The following ADGRG7 variants were observed in gnomAD, a reference collection of about 807,000 sequenced individuals.
ADGRG7 encodes adhesion G protein-coupled receptor G7, also known as G-protein coupled receptor 128.
ADGRG7 carries 82 observed loss-of-function variants against 88.6 expected under a neutral mutation model. That is an observed-to-expected ratio of 0.93 (90% CI 0.77 to 1.11). The LOEUF (loss-of-function observed/expected upper bound fraction) is 1.11, where lower values mean the gene tolerates loss of function less well. Ranked by LOEUF, ADGRG7 falls within the 50% of genes most tolerant of loss-of-function variation. ADGRG7 has a pLI of 0.00. For missense variants in ADGRG7, 945 were observed against 953.4 expected, an observed-to-expected ratio of 0.99 and a Z score of 0.12; for synonymous variants, 381 against 345.2, an observed-to-expected ratio of 1.10 and a Z score of -1.15.
intron 14 of ADGRG7, 63 bp downstream of exon 14, chr3:100,659,906 A>C (rs16842534): frequency 1.4e-6 from 2 of 1,466,922 alleles, no homozygotes; most frequent in Non-Finnish European, 1.9e-6. Context: ...ACGCAGCACC[A>C]TAACACATCC....
At chr3:100,610,408 A>G (rs546873511) in intron 1 of ADGRG7, among the ~76,000 whole-genome samples, 1 of 152,358 alleles carries the variant, frequency 6.6e-6, no homozygotes, top group East Asian at 1.9e-4. Context: ...TCATTTTAAG[A>G]GAGAAGTTAA....
In ADGRG7 at chr3:100,646,647, G is replaced by A. The variant is rs143826267; in HGVS notation, c.1189G>A (p.Gly397Ser). The A allele has an allele frequency of 2.0e-3, 3,204 of 1,613,992 alleles. 4 individuals carry two copies. Among genetic ancestry groups the A allele is most frequent in the Non-Finnish European group, 2.5e-3 (2,947 of 1,179,878 alleles). ...GTCAGCGAAGGACTGGGACACATATGGCTGTCAAAAAGACAAGGGCACTGA... is the reference window on the plus strand; with the variant it reads ...GTCAGCGAAGGACTGGGACACATATAGCTGTCAAAAAGACAAGGGCACTGA... ...NLSAKDWDTY[G>S]CQKDKGTDGF... The change falls in exon 10 of 16, where the codon GGC (glycine) becomes AGC (serine). Residue 397 changes from glycine (G) to serine (S), a missense_variant. Coordinates refer to ENST00000273352, the MANE Select transcript of ADGRG7 (RefSeq NM_032787.3).
intron 13 of ADGRG7, among the ~76,000 whole-genome samples, chr3:100,658,266 C>T (rs1295478425): frequency 6.6e-6 from 1 of 152,198 alleles, no homozygotes; most frequent in Non-Finnish European, 1.5e-5. Context: ...CATCTCCTCT[C>T]CTGGTCCAAA....
chr3:100,646,683 C>T lies in ADGRG7; in HGVS notation c.1225C>T (p.Arg409Cys), dbSNP rs140959989. Residue 409 changes from arginine (R) to cysteine (C), a missense_variant, in exon 10 of 16, where the codon CGC becomes TGC. By Grantham distance (180) the Arg-to-Cys change is radical (BLOSUM62 -3). Coordinates refer to ENST00000273352, the MANE Select transcript of ADGRG7 (RefSeq NM_032787.3). ...AGACAAGGGCACTGATGGATTCCTG[C>T]GCTGCCGCTGCAACCATACTACTAA... ...QKDKGTDGFLRCRCNHTTNFA... is the reference protein window; with the variant it reads ...QKDKGTDGFLCCRCNHTTNFA... The T allele has an allele frequency of 2.2e-5, 35 of 1,613,992 alleles. 1 individual carries two copies. Among genetic ancestry groups the T allele is most frequent in the East Asian group, 4.5e-5 (2 of 44,890 alleles).
chr3:100,643,785 T>A (rs1416869343), intron 8 of ADGRG7, 152 bp downstream of exon 8: 1 of 589,278 alleles, frequency 1.7e-6, no homozygotes, highest in Admixed American at 3.3e-5. Flanking sequence ...ATTATGGTAA[T>A]CTCAACTCTA....
intron 13 of ADGRG7, among the ~76,000 whole-genome samples, chr3:100,659,419 G>A (rs2094942026): frequency 8.9e-6 from 1 of 112,208 alleles, no homozygotes; most frequent in Non-Finnish European, 1.7e-5. Context: ...CAGCCTGGGC[G>A]ACAGAGCAAG....
intron 1 of ADGRG7, among the ~76,000 whole-genome samples, chr3:100,610,605 A>C (rs1707133065): frequency 6.6e-6 from 1 of 152,134 alleles, no homozygotes; most frequent in Non-Finnish European, 1.5e-5. Context: ...AGGACGTGGG[A>C]GGGGAAGTAG....
At chr3:100,680,370 T>C (rs1014785741) in intron 15 of ADGRG7, among the ~76,000 whole-genome samples, 1 of 152,192 alleles carries the variant, frequency 6.6e-6, no homozygotes, top group Non-Finnish European at 1.5e-5. Context: ...GTGTGTATCA[T>C]GTAGACAGCA....
intron 10 of ADGRG7, among the ~76,000 whole-genome samples, chr3:100,648,769 A>G (rs1707799933): frequency 6.7e-6 from 1 of 150,354 alleles, no homozygotes; most frequent in Non-Finnish European, 1.5e-5. Flanking sequence ...AAATAAGAAT[A>G]CATTGCTTTT....
chr3:100,654,745 A>G (rs2094935162), intron 11 of ADGRG7, 90 bp from the exon 12 acceptor site: 2 of 777,414 alleles, frequency 2.6e-6, no homozygotes, highest in African/African-American at 1.8e-5. Context: ...GGGCAATAAT[A>G]TTCTTTGTTC....
chr3:100,635,883 G>A (rs1161372548), intron 5 of ADGRG7, 57 bp downstream of exon 5: 14 of 1,306,840 alleles, frequency 1.1e-5, no homozygotes, highest in African/African-American at 3.0e-5. Flanking sequence ...GGGGGTGTTG[G>A]GAAAGAAAGA....
At chr3:100,623,574 T>A (rs188447195) in intron 1 of ADGRG7, among the ~76,000 whole-genome samples, 92 of 152,304 alleles carry the variant, frequency 6.0e-4, no homozygotes, top group Admixed American at 6.0e-3. Flanking sequence ...AGGATACAAG[T>A]GCAGACCTTG....
rs552790340 is a variant in ADGRG7, at chr3:100,630,984, T to A, written c.334+175T>A. On this transcript the variant is annotated intron_variant, in intron 3 of 15. Transcript: ENST00000273352. ...AAACTTAAGGTAGTATCTCACAAAATCTTAAATTTCCCAACAGTTTCATAT... is the reference window on the plus strand; with the variant it reads ...AAACTTAAGGTAGTATCTCACAAAAACTTAAATTTCCCAACAGTTTCATAT... Among the ~76,000 whole-genome samples the A allele has an allele frequency of 4.6e-5, 7 of 152,312 alleles. No homozygotes were observed. The East Asian group carries it at 1.2e-3, about 25-fold the overall frequency.
chr3:100,619,551 T>TAAGATCAG (rs1707277875), intron 1 of ADGRG7, among the ~76,000 whole-genome samples: 1 of 151,902 alleles, frequency 6.6e-6, no homozygotes, highest in South Asian at 2.1e-4. Flanking sequence ...GAGAAATAAC[T>TAAGATCAG]AAGATCAGAG....
At chr3:100,623,168 A>G (rs377611396) in intron 1 of ADGRG7, among the ~76,000 whole-genome samples, 1 of 152,196 alleles carries the variant, frequency 6.6e-6, no homozygotes, top group African/African-American at 2.4e-5. Flanking sequence ...CCTTTAAAAA[A>G]CAATCTTTAG....
At chr3:100,620,139 C>T (rs1432275149) in intron 1 of ADGRG7, among the ~76,000 whole-genome samples, 2 of 152,168 alleles carry the variant, frequency 1.3e-5, no homozygotes, top group Non-Finnish European at 2.9e-5. Flanking sequence ...CCCTGATGAA[C>T]ATCGATGCAA....
At chr3:100,622,274 T>G (rs889970205) in intron 1 of ADGRG7, among the ~76,000 whole-genome samples, 4 of 151,546 alleles carry the variant, frequency 2.6e-5, no homozygotes, top group Non-Finnish European at 4.4e-5. Context: ...ATTTTTTTTT[T>G]TTTTTTTTTT....
chr3:100,610,897 C>A (rs1048993967), intron 1 of ADGRG7, among the ~76,000 whole-genome samples: 1 of 152,146 alleles, frequency 6.6e-6, no homozygotes, highest in African/African-American at 2.4e-5. Context: ...GAGCATGGAG[C>A]ATGGCTGCAA....
Position 100,633,304 on chromosome 3 carries a change from T to C in ADGRG7, c.374T>C (p.Leu125Pro). 17 of 1,584,960 alleles carry C rather than the reference T, an allele frequency of 1.1e-5. No individual in the cohort carries two copies. Among genetic ancestry groups the C allele is most frequent in the Non-Finnish European group, 1.5e-5 (17 of 1,165,134 alleles). The change falls in exon 4 of 16, where the codon CTA (leucine) becomes CCA (proline). Residue 125 changes from leucine (L) to proline (P), a missense_variant. Physicochemically the swap from Leu to Pro is moderately conservative, Grantham distance 98. Coordinates refer to ENST00000273352, the MANE Select transcript of ADGRG7 (RefSeq NM_032787.3). The stretch of plus-strand genomic sequence containing the variant: ...GCAGTCCGGTTGTGCAGTCTCTCTC[T>C]ATATGGAGAGATAGAATTACAAAAA... ...PMAVRLCSLS[L>P]YGEIELQKVT...
Sources: gnomAD v4.1 joint callset for allele counts (sites outside exome capture counted in the v4.1 genomes callset) on GRCh38, gnomAD v4.1.1 for gene constraint, MANE v1.5 for transcripts, NCBI Gene and HGNC (gene_info 2026-07-23, HGNC 2026-07-21) for gene names.